The following SYNPR variants were observed in gnomAD, a reference collection of about 807,000 sequenced individuals.
SYNPR encodes synaptoporin.
SYNPR carries 23 observed loss-of-function variants against 32.9 expected under a neutral mutation model. The ratio of observed to expected loss-of-function variants is 0.70; its 90% CI spans 0.50 to 0.99. The LOEUF (loss-of-function observed/expected upper bound fraction) is 0.99. SYNPR is among the 50% of genes least tolerant of loss of function. The pLI is 0.00. For missense variants in SYNPR, 318 were observed against 349.3 expected (o/e 0.91, Z 0.71); for synonymous variants, 146 against 135.9 (o/e 1.07, Z -0.52).
intron 4 of SYNPR, among the ~76,000 whole-genome samples, chr3:63,574,223 C>T (rs1702940262): frequency 6.6e-6 from 1 of 152,134 alleles, no homozygotes; most frequent in South Asian, 2.1e-4. Flanking sequence ...GCCAATGATA[C>T]AGAGTGAAAT....
chr3:63,445,676 T>C, intron 2 of SYNPR: 1 of 545,144 alleles, frequency 1.8e-6, no homozygotes, highest in East Asian at 2.9e-5. Flanking sequence ...ACATTACCTC[T>C]CCATTTTACA....
intron 2 of SYNPR, among the ~76,000 whole-genome samples, chr3:63,407,290 T>C (rs1227781192): frequency 1.3e-5 from 2 of 152,172 alleles, no homozygotes; most frequent in Non-Finnish European, 2.9e-5. Context: ...ATTAACACAG[T>C]GCTTAATTTA....
intron 3 of SYNPR, among the ~76,000 whole-genome samples, chr3:63,485,208 GTTC>G (rs1701123192): frequency 6.6e-6 from 1 of 151,992 alleles, no homozygotes; most frequent in African/African-American, 2.4e-5. Context: ...GAGGATGCCT[GTTC>G]TTGTAAAAAA....
At chr3:63,475,766 T>A (rs1268463955) in intron 2 of SYNPR, among the ~76,000 whole-genome samples, 1 of 152,080 alleles carries the variant, frequency 6.6e-6, no homozygotes, top group African/African-American at 2.4e-5. Flanking sequence ...GCCTTCCAGG[T>A]CTCACCCCCA....
chr3:63,608,901 TA>T (rs1200429429), intron 4 of SYNPR, among the ~76,000 whole-genome samples: 2 of 152,160 alleles, frequency 1.3e-5, no homozygotes, highest in African/African-American at 4.8e-5. Flanking sequence ...TGGGATATAG[TA>T]AGCATTTAAT....
intron 4 of SYNPR, among the ~76,000 whole-genome samples, chr3:63,581,319 T>C (rs1056320340): frequency 2.3e-5 from 3 of 132,566 alleles, no homozygotes; most frequent in African/African-American, 5.3e-5. Flanking sequence ...AGGTTGTATG[T>C]TGGGGACAGG....
intron 1 of SYNPR, among the ~76,000 whole-genome samples, chr3:63,250,377 C>A (rs114585853): frequency 1.3e-5 from 2 of 152,106 alleles, no homozygotes; most frequent in African/African-American, 4.8e-5. Context: ...AAGATCTCCA[C>A]GCCTGGGGCA....
At chr3:63,340,665 C>T (rs565608359) in intron 2 of SYNPR, among the ~76,000 whole-genome samples, 4 of 151,970 alleles carry the variant, frequency 2.6e-5, no homozygotes, top group Admixed American at 2.0e-4. Context: ...GTGATCTGCC[C>T]GCCTCGGCCT....
At chr3:63,272,063 T>A (rs1159005088) in intron 3 of SYNPR, among the ~76,000 whole-genome samples, 1 of 152,192 alleles carries the variant, frequency 6.6e-6, no homozygotes, top group Admixed American at 6.5e-5. Context: ...ATGTTGTCAG[T>A]AGTGATGTTT....
At chr3:63,446,467 T>G (rs1299350671) in intron 2 of SYNPR, among the ~76,000 whole-genome samples, 1 of 152,096 alleles carries the variant, frequency 6.6e-6, no homozygotes, top group South Asian at 2.1e-4. Flanking sequence ...CCTTTGCACC[T>G]GAGCAGTGGG....
chr3:63,258,150 T>C (rs890182173), intron 2 of SYNPR, among the ~76,000 whole-genome samples: 3 of 152,054 alleles, frequency 2.0e-5, no homozygotes, highest in Non-Finnish European at 4.4e-5. Context: ...CTGTCAACAT[T>C]AGACAGATCA....
intron 3 of SYNPR, among the ~76,000 whole-genome samples, chr3:63,484,842 A>C (rs1489740113): frequency 6.6e-6 from 1 of 152,198 alleles, no homozygotes; most frequent in African/African-American, 2.4e-5. Context: ...GAGCATGGTG[A>C]ATACAACGAA....
intron 2 of SYNPR, among the ~76,000 whole-genome samples, chr3:63,391,979 G>A (rs1186326197): frequency 2.0e-5 from 3 of 152,086 alleles, no homozygotes; most frequent in East Asian, 3.8e-4. Flanking sequence ...CCTAAGCTGC[G>A]CAACCTCTTC....
chr3:63,201,915 G>A, the SYNPR span, among the ~76,000 whole-genome samples: 31 of 151,854 alleles, frequency 2.0e-4, no homozygotes, highest in South Asian at 4.6e-3. Flanking sequence ...CTACTGAATT[G>A]GTTACTTTCA....
chr3:63,330,459 T>TA (rs60399903), intron 2 of SYNPR, among the ~76,000 whole-genome samples: 1 of 151,886 alleles, frequency 6.6e-6, no homozygotes, highest in East Asian at 2.0e-4. Flanking sequence ...CTCTTTTTTT[T>TA]ATTTATAGAA....
intron 2 of SYNPR, among the ~76,000 whole-genome samples, chr3:63,365,233 C>T (rs983682078): frequency 6.6e-6 from 1 of 152,110 alleles, no homozygotes; most frequent in Non-Finnish European, 1.5e-5. Flanking sequence ...TCAGACTCTA[C>T]CAAATGACAT....
intron 2 of SYNPR, among the ~76,000 whole-genome samples, chr3:63,312,725 G>T (rs1475623355): frequency 6.6e-6 from 1 of 151,828 alleles, no homozygotes; most frequent in African/African-American, 2.4e-5. Flanking sequence ...TTCCATGGTG[G>T]CACAGCCCCA....
At chr3:63,477,724 C>T (rs544069037) in intron 2 of SYNPR, among the ~76,000 whole-genome samples, 1 of 151,670 alleles carries the variant, frequency 6.6e-6, no homozygotes, top group East Asian at 2.0e-4. Context: ...CACGTGCTGG[C>T]TCCCCACTGT....
chr3:63,574,204 A>T (rs1038307049), intron 4 of SYNPR, among the ~76,000 whole-genome samples: 3 of 152,174 alleles, frequency 2.0e-5, no homozygotes, highest in Non-Finnish European at 4.4e-5. Context: ...TTTGGGGAAC[A>T]ATATTCAGGC....
Sources: gnomAD v4.1 joint callset for allele counts (sites outside exome capture counted in the v4.1 genomes callset) on GRCh38, gnomAD v4.1.1 for gene constraint, MANE v1.5 for transcripts, NCBI Gene and HGNC (gene_info 2026-07-23, HGNC 2026-07-21) for gene names.